The following COL1A2 variants were observed in gnomAD, a reference collection of about 807,000 sequenced individuals.
COL1A2 encodes collagen alpha-2(I) chain.
COL1A2 carries 49 observed loss-of-function variants against 174.3 expected under a neutral mutation model. That is an observed-to-expected ratio of 0.28 (90% CI 0.22 to 0.36). The LOEUF (loss-of-function observed/expected upper bound fraction) is 0.36, where lower values mean the gene tolerates loss of function less well. Among genes scored for constraint, COL1A2 ranks in the 10% least tolerant of loss-of-function variants. The probability of loss-of-function intolerance (pLI) is 1.00; values close to 1 mark genes in which losing one functional copy is unlikely to be tolerated. For synonymous variants in COL1A2, 655 were observed against 606.6 expected (o/e 1.08, Z -1.17); for missense variants, 1,438 against 1,822.7 (o/e 0.79, Z 3.84).
intron 33 of COL1A2, 37 bp from the exon 34 acceptor site, chr7:94,419,461 G>C (rs765848190): frequency 6.2e-7 from 1 of 1,606,222 alleles, no homozygotes; most frequent in Non-Finnish European, 8.5e-7. Flanking sequence ...ATGATACGGG[G>C]TGTTATTAAT....
chr7:94,425,147 C>T lies in COL1A2; in HGVS notation c.2704C>T (p.Pro902Ser). Reference protein sequence around the residue: ...GEPGPLGIAGPPGARGPPGAV... With the variant: ...GEPGPLGIAGSPGARGPPGAV... Reference sequence around the variant, plus strand: ...ACCTGGTCCTCTTGGCATTGCCGGCCCTCCTGGGGCCCGTGGTCCTCCTGG... The same window carrying T: ...ACCTGGTCCTCTTGGCATTGCCGGCTCTCCTGGGGCCCGTGGTCCTCCTGG... The change falls in exon 42 of 52, where the codon CCT (proline) becomes TCT (serine). Residue 902 changes from proline (P) to serine (S), a missense_variant. By Grantham distance (74) the Pro-to-Ser change is moderately conservative. Coordinates refer to ENST00000297268, the MANE Select transcript of COL1A2 (RefSeq NM_000089.4). 6.2e-7 allele frequency: 1 copy of T among 1,614,114 alleles called. No individual in the cohort carries two copies. The highest frequency in any genetic ancestry group is 8.5e-7 in the Non-Finnish European group (1 of 1,180,006).
At chr7:94,425,318 T>G in intron 42 of COL1A2, 94 bp downstream of exon 42, 1 of 1,217,170 alleles carries the variant, frequency 8.2e-7, no homozygotes, top group Non-Finnish European at 1.2e-6. Flanking sequence ...CTTCCAAATT[T>G]CTGAACAAGA....
At position 94,422,980 on chromosome 7, in the gene COL1A2, C is replaced by A; in HGVS notation, c.2427C>A (p.Pro809=). The change falls in exon 40 of 52, where the codon CCC becomes CCA. Residue 809 remains proline, a synonymous_variant. Transcript: ENST00000297268. ...AGGGTATTTCTGGCCCTCCTGGTCC[C>A]CCTGGTCCTGCTGGGAAAGAAGGGC... ...GPSGISGPPG[P]PGPAGKEGLR... is the part of the protein sequence containing the mutation. 6.2e-7 allele frequency: 1 copy of A among 1,614,084 alleles called. No individual in the cohort carries two copies. Among genetic ancestry groups the A allele is most frequent in the Non-Finnish European group, 8.5e-7 (1 of 1,179,990 alleles).
intron 44 of COL1A2, 42 bp downstream of exon 44, chr7:94,425,899 G>C (rs1277634046): frequency 6.2e-7 from 1 of 1,603,890 alleles, no homozygotes; most frequent in East Asian, 2.2e-5. Context: ...GCATTCTCGT[G>C]GGCTTCACTT....
At chr7:94,405,312 A>G in intron 10 of COL1A2, 60 bp downstream of exon 10, 1 of 1,471,884 alleles carries the variant, frequency 6.8e-7, no homozygotes, top group African/African-American at 1.4e-5. Flanking sequence ...ATAGTTGCTA[A>G]AACTAGCATC....
At position 94,412,545 on chromosome 7, in the gene COL1A2, T is replaced by C. The variant is rs749850651; in HGVS notation, c.1405-39T>C. On this transcript the variant is annotated intron_variant, in intron 24 of 51. Coordinates refer to ENST00000297268, the MANE Select transcript of COL1A2 (RefSeq NM_000089.4). Reference sequence around the variant, plus strand: ...TCATAAGCTTGAGGTTGTGAGAATATGTTGACACTGAGTAAACTTGAAATA... The same window carrying C: ...TCATAAGCTTGAGGTTGTGAGAATACGTTGACACTGAGTAAACTTGAAATA... 3.3e-6 allele frequency: 5 copies of C among 1,516,882 alleles called. No homozygotes were observed. In the East Asian group the frequency reaches 9.1e-5, roughly 28 times the overall value. 94.0% of individuals were successfully genotyped at this position (1,516,882 alleles called of 1,614,324 possible).
In COL1A2 at chr7:94,405,605, G is replaced by A. The variant is rs968809002; in HGVS notation, c.487-68G>A. The A allele has an allele frequency of 1.2e-5, 16 of 1,373,426 alleles. No individual in the cohort carries two copies. The African/African-American group carries it at 2.0e-4, about 17-fold the overall frequency. 85.1% of individuals were successfully genotyped at this position (1,373,426 alleles called of 1,614,324 possible). A position where few individuals can be genotyped will look rare whatever the true frequency, so the allele number is the denominator to read the frequency against. On this transcript the variant is annotated intron_variant, in intron 10 of 51. Transcript: ENST00000297268. ...CTTTGATGAGAATAAATACTTTGGAGGGAAGAAGTCACTGTCTTTTTATTT... is the reference window on the plus strand; with the variant it reads ...CTTTGATGAGAATAAATACTTTGGAAGGAAGAAGTCACTGTCTTTTTATTT...
intron 21 of COL1A2, 56 bp from the exon 22 acceptor site, chr7:94,410,833 C>T: frequency 6.3e-7 from 1 of 1,579,638 alleles, no homozygotes; most frequent in Non-Finnish European, 8.7e-7. Flanking sequence ...CAAACTCTAC[C>T]TTATCAAAGC....
chr7:94,404,300 T>A (rs118173232), intron 6 of COL1A2, among the ~76,000 whole-genome samples: 3 of 152,188 alleles, frequency 2.0e-5, no homozygotes, highest in Non-Finnish European at 4.4e-5. Flanking sequence ...ATATGCCCAA[T>A]TGTGCACAAC....
At chr7:94,403,508 T>C (rs893443986) in intron 6 of COL1A2, among the ~76,000 whole-genome samples, 4 of 152,198 alleles carry the variant, frequency 2.6e-5, no homozygotes, top group African/African-American at 9.6e-5. Context: ...AAATTCATGA[T>C]GTCAAAGAAA....
At position 94,414,910 on chromosome 7, in the gene COL1A2, T is replaced by C. The variant is rs42525; in HGVS notation, c.1720-316T>C. On this transcript the variant is annotated intron_variant, in intron 29 of 51. Coordinates refer to ENST00000297268, the MANE Select transcript of COL1A2 (RefSeq NM_000089.4). ...CTGTTATACAGCTAAAAATAGGCAA[T>C]GTCTAATATTCATTATTATTTATCT... Among the ~76,000 whole-genome samples, 128,223 of 152,192 alleles carry C rather than the reference T, an allele frequency of 0.84. 54,565 individuals are homozygous for C. The highest frequency in any genetic ancestry group is 0.98 in the East Asian group (5,069 of 5,188).
Position 94,411,070 on chromosome 7 carries a change from T to C in COL1A2, c.1266T>C (p.Ser422=), listed in dbSNP as rs1336308710. Residue 422 remains serine (S), a synonymous_variant, in exon 23 of 52, where the codon AGT becomes AGC. Coordinates refer to ENST00000297268, the MANE Select transcript of COL1A2 (RefSeq NM_000089.4). ...GRAGVMGPPG[S]RGASGPAGVR... ...TTTTTGAATAGGGCCCTCCTGGTAGTCGTGGTGCAAGTGGCCCTGCTGGAG... is the reference window on the plus strand; with the variant it reads ...TTTTTGAATAGGGCCCTCCTGGTAGCCGTGGTGCAAGTGGCCCTGCTGGAG... 1 of 1,602,394 alleles carries C rather than the reference T, an allele frequency of 6.2e-7. No homozygotes were observed. The highest frequency in any genetic ancestry group is 8.5e-7 in the Non-Finnish European group (1 of 1,175,408).
At chr7:94,429,522 G>C (rs1357065523) in intron 51 of COL1A2, 92 bp downstream of exon 51, 1 of 1,386,490 alleles carries the variant, frequency 7.2e-7, no homozygotes, top group Middle Eastern at 1.8e-4. Context: ...CTAAAGGGGG[G>C]TTAAAAGAAC....
chr7:94,424,583 T>A, intron 41 of COL1A2, 140 bp downstream of exon 41: 1 of 721,868 alleles, frequency 1.4e-6, no homozygotes, highest in Non-Finnish European at 2.4e-6. Context: ...AGATCACATG[T>A]CACTTATCTA....
At position 94,404,883 on chromosome 7, in the gene COL1A2, T is replaced by C; in HGVS notation, c.423T>C (p.Ala141=). 1 of 1,614,128 alleles carries C rather than the reference T, an allele frequency of 6.2e-7. No individual in the cohort carries two copies. Among genetic ancestry groups the C allele is most frequent in the Non-Finnish European group, 8.5e-7 (1 of 1,180,000 alleles). ...ARGPAGPPGK[A]GEDGHPGKPG... ...GTCCAGCTGGCCCTCCTGGCAAGGC[T>C]GGTGAAGATGTAAGTATTTACTCTT... Residue 141 remains alanine, a synonymous_variant, in exon 9 of 52, where the codon GCT becomes GCC. Transcript: ENST00000297268.
intron 40 of COL1A2, chr7:94,424,123 GGTCTCAAGGAT>G: frequency 1.9e-6 from 1 of 538,138 alleles, no homozygotes; most frequent in East Asian, 3.3e-5. Flanking sequence ...TTGTGCCATT[GGTCTCAAGGAT>G]GAATCAGATA....
chr7:94,427,509 T>G (rs1305829350), intron 48 of COL1A2, 118 bp from the exon 49 acceptor site: 1 of 1,309,602 alleles, frequency 7.6e-7, no homozygotes, highest in East Asian at 2.3e-5. Context: ...TGAACTTGAT[T>G]ATTTTTTACT....
At chr7:94,414,847 A>AATGTACAGAATATGATAATTTCTC (rs1263871096) in intron 29 of COL1A2, among the ~76,000 whole-genome samples, 1 of 152,206 alleles carries the variant, frequency 6.6e-6, no homozygotes, top group African/African-American at 2.4e-5. Context: ...TTAACTAGGC[A>AATGTACAGAATATGATAATTTCTC]ATGTACAGAA....
rs1235071648 is a variant in COL1A2, at chr7:94,410,919, G to C, written c.1228G>C (p.Ala410Pro). The C allele has an allele frequency of 1.2e-6, 2 of 1,613,908 alleles. No individual in the cohort carries two copies. The highest frequency in any genetic ancestry group is 1.3e-5 in the African/African-American group (1 of 74,874). ...GSPGSRGLPG[A>P]DGRAGVMGPP... ...TCCTGGTTCTCGTGGTCTTCCTGGA[G>C]CTGATGGCAGAGCTGGCGTCATGGT... is the stretch of plus-strand genomic sequence containing the variant. The change falls in exon 22 of 52, where the codon GCT (alanine) becomes CCT (proline). Residue 410 changes from alanine (A) to proline (P), a missense_variant. Ala to Pro is a conservative substitution (Grantham distance 27). This residue lies in a region of COL1A2 where 867 missense variants were observed against 1,213.7 expected (regional missense o/e 0.71). Transcript: ENST00000297268.
Sources: gnomAD v4.1 joint callset for allele counts (sites outside exome capture counted in the v4.1 genomes callset) on GRCh38, gnomAD v4.1.1 for gene constraint, gnomAD v4.1.1 regional missense constraint, MANE v1.5 for transcripts, NCBI Gene and HGNC (gene_info 2026-07-23, HGNC 2026-07-21) for gene names.